The following DNM3 variants were observed in gnomAD, a reference collection of about 807,000 sequenced individuals.
DNM3 encodes the protein dynamin 3.
DNM3 carries 47 observed loss-of-function variants against 101.6 expected under a neutral mutation model. The observed-to-expected ratio is 0.46, with a 90% CI of 0.37 to 0.59. The LOEUF is 0.59. Ranked by LOEUF, DNM3 falls within the 20% of genes least tolerant of loss-of-function variation. DNM3 has a pLI of 0.00. For missense variants in DNM3, 849 were observed against 1,085.7 expected, an observed-to-expected ratio of 0.78 and a Z score of 3.06; for synonymous variants, 385 against 387.9, an observed-to-expected ratio of 0.99 and a Z score of 0.09.
chr1:171,970,444 T>C (rs1010608614), intron 2 of DNM3, among the ~76,000 whole-genome samples: 1 of 152,098 alleles, frequency 6.6e-6, no homozygotes, highest in Non-Finnish European at 1.5e-5. Flanking sequence ...GTATTAACAG[T>C]ACTTAATATG....
intron 4 of DNM3, among the ~76,000 whole-genome samples, chr1:172,021,052 T>C (rs1003655447): frequency 6.6e-6 from 1 of 152,228 alleles, no homozygotes; most frequent in Non-Finnish European, 1.5e-5. Context: ...GTGATTTCAC[T>C]TCACTGACAG....
intron 14 of DNM3, among the ~76,000 whole-genome samples, chr1:172,191,076 C>G (rs1365260812): frequency 6.6e-6 from 1 of 152,082 alleles, no homozygotes; most frequent in Non-Finnish European, 1.5e-5. Flanking sequence ...TTGTTTTAGT[C>G]ATGAAGTCCT....
chr1:172,129,566 G>A (rs914970070), intron 13 of DNM3, among the ~76,000 whole-genome samples: 6 of 152,124 alleles, frequency 3.9e-5, no homozygotes, highest in Non-Finnish European at 7.4e-5. Flanking sequence ...CATGGTGGAA[G>A]GCAAAGAGAG....
At chr1:172,111,206 G>A (rs1171023712) in intron 13 of DNM3, among the ~76,000 whole-genome samples, 2 of 152,190 alleles carry the variant, frequency 1.3e-5, no homozygotes, top group African/African-American at 4.8e-5. Context: ...TTAGATGGGA[G>A]AGATTTTCCT....
chr1:172,264,024 G>A (rs1187717543), intron 15 of DNM3, among the ~76,000 whole-genome samples: 4 of 152,220 alleles, frequency 2.6e-5, no homozygotes, highest in Non-Finnish European at 5.9e-5. Context: ...TTCCACTGCA[G>A]TTCTGAAGTG....
chr1:171,976,032 CAAAT>C (rs919931264), intron 2 of DNM3, among the ~76,000 whole-genome samples: 1 of 151,670 alleles, frequency 6.6e-6, no homozygotes, highest in Non-Finnish European at 1.5e-5. Flanking sequence ...CATAAAGAGA[CAAAT>C]AGATCAATGG....
At chr1:172,104,355 T>C (rs2054861033) in intron 13 of DNM3, among the ~76,000 whole-genome samples, 2 of 152,220 alleles carry the variant, frequency 1.3e-5, no homozygotes, top group South Asian at 2.1e-4. Flanking sequence ...AATTTTTGTT[T>C]GTTTGTTTGA....
At chr1:172,401,393 G>A (rs376316042) in intron 20 of DNM3, among the ~76,000 whole-genome samples, 8 of 152,280 alleles carry the variant, frequency 5.3e-5, no homozygotes, top group African/African-American at 1.9e-4. Flanking sequence ...AGTCAGATAT[G>A]TAGGACAATG....
At chr1:172,234,939 G>A (rs2061480346) in intron 14 of DNM3, among the ~76,000 whole-genome samples, 1 of 152,128 alleles carries the variant, frequency 6.6e-6, no homozygotes, top group Non-Finnish European at 1.5e-5. Flanking sequence ...CACAGGCATG[G>A]GCAAGGACTT....
intron 14 of DNM3, among the ~76,000 whole-genome samples, chr1:172,145,631 C>T (rs1425701484): frequency 1.3e-5 from 2 of 152,112 alleles, no homozygotes; most frequent in Admixed American, 6.6e-5. Flanking sequence ...TCTCTGAATG[C>T]TGTGCTATAG....
Position 172,409,499 on chromosome 1 carries a change from A to AT in DNM3, c.*1659dup. The AT allele has an allele frequency of 1.0e-6, 1 of 984,184 alleles. No individual in the cohort carries two copies. Among genetic ancestry groups the AT allele is most frequent in the African/African-American group, 1.7e-5 (1 of 57,328 alleles). 61.0% of individuals were successfully genotyped at this position (984,184 alleles called of 1,614,324 possible). ...AAAAATCAGAAAATACAAGATTTAC[A>AT]TAAAGGTCATTTCAACTTTTAAGGT... On this transcript the variant is annotated 3_prime_UTR_variant, in exon 21 of 21. Coordinates refer to ENST00000627582, the MANE Select transcript of DNM3 (RefSeq NM_015569.5).
intron 14 of DNM3, among the ~76,000 whole-genome samples, chr1:172,201,776 C>T (rs915323755): frequency 7.2e-5 from 11 of 152,302 alleles, no homozygotes; most frequent in African/African-American, 2.6e-4. Flanking sequence ...TTGCTACTGG[C>T]TCGATAGCTC....
intron 15 of DNM3, among the ~76,000 whole-genome samples, chr1:172,261,745 A>G (rs1419146606): frequency 6.6e-6 from 1 of 152,214 alleles, no homozygotes; most frequent in Non-Finnish European, 1.5e-5. Context: ...GGGCTGGCCC[A>G]CAGACTTTCA....
At chr1:171,875,175 G>A (rs2035646982) in intron 1 of DNM3, among the ~76,000 whole-genome samples, 1 of 152,112 alleles carries the variant, frequency 6.6e-6, no homozygotes, top group South Asian at 2.1e-4. Flanking sequence ...TTTCCTTTGG[G>A]TATATGCCCA....
At chr1:171,984,322 C>CAAA (rs931511456) in intron 2 of DNM3, among the ~76,000 whole-genome samples, 1 of 152,132 alleles carries the variant, frequency 6.6e-6, no homozygotes, top group African/African-American at 2.4e-5. Context: ...AGCGAAAAAT[C>CAAA]AAAGTCCTTA....
At chr1:172,100,220 G>A (rs2054539668) in intron 13 of DNM3, among the ~76,000 whole-genome samples, 1 of 152,162 alleles carries the variant, frequency 6.6e-6, no homozygotes, top group Admixed American at 6.5e-5. Flanking sequence ...AGGTCTCCAG[G>A]TAACTGGATT....
intron 2 of DNM3, among the ~76,000 whole-genome samples, chr1:171,981,851 TA>T (rs1333026682): frequency 6.6e-6 from 1 of 152,250 alleles, no homozygotes; most frequent in Non-Finnish European, 1.5e-5. Context: ...TAAGACAGGT[TA>T]TACTGCGACA....
rs7554281 is a variant in DNM3, at chr1:171,848,310, C to T, written c.161+6493C>T. 8.3e-3 allele frequency among the ~76,000 whole-genome samples: 1,263 copies of T among 152,020 alleles called. 24 individuals are homozygous for T. Among genetic ancestry groups the T allele is most frequent in the African/African-American group, 0.029 (1,207 of 41,450 alleles). ...CAGCAGTGACATTGCATTTTATTAC[C>T]TTTTTTTTCCCATACAGAATAGTGG... is the stretch of plus-strand genomic sequence containing the variant. On this transcript the variant is annotated intron_variant, in intron 1 of 20. Transcript: ENST00000627582.
chr1:172,158,030 A>G (rs2058406378), intron 14 of DNM3, among the ~76,000 whole-genome samples: 2 of 152,060 alleles, frequency 1.3e-5, no homozygotes, highest in African/African-American at 4.8e-5. Context: ...TAAAGTGCAA[A>G]CAATATAGTA....
Sources: allele counts gnomAD v4.1 joint callset (sites outside exome capture counted in the v4.1 genomes callset), GRCh38; gene constraint gnomAD v4.1.1; transcripts MANE v1.5; gene names NCBI Gene and HGNC (gene_info 2026-07-23, HGNC 2026-07-21).